Variants in ASIP observed in about 807,000 individuals in gnomAD.
ASIP encodes the protein agouti-signaling protein.
ASIP carries 11 observed loss-of-function variants against 10.3 expected under a neutral mutation model. That is an observed-to-expected ratio of 1.07 (90% CI 0.68 to 1.78). The LOEUF is 1.78. ASIP is among the 40% of genes most tolerant of loss of function. The pLI, the probability that ASIP is intolerant of heterozygous loss-of-function variation, is 0.00. For missense variants in ASIP, 180 were observed against 169.2 expected, an observed-to-expected ratio of 1.06 and a Z score of -0.35; for synonymous variants, 70 against 70.8, an observed-to-expected ratio of 0.99 and a Z score of 0.06.
At chr20:34,246,191 G>A in intron 1 of ASIP, 1 of 1,298,432 alleles carries the variant, frequency 7.7e-7, no homozygotes. Flanking sequence ...AGGAATTTTG[G>A]CCTTAGTAAG....
chr20:34,263,429 G>A (rs1366310704), intron 3 of ASIP, among the ~76,000 whole-genome samples: 1 of 152,006 alleles, frequency 6.6e-6, no homozygotes, highest in African/African-American at 2.4e-5. Flanking sequence ...GCCAGGCGTG[G>A]TGGTGGGCGC....
chr20:34,234,160 T>C (rs949036152), intron 1 of ASIP, among the ~76,000 whole-genome samples: 4 of 152,138 alleles, frequency 2.6e-5, no homozygotes, highest in African/African-American at 4.8e-5. Context: ...TTCTAGTTGG[T>C]CTCATCAGAG....
intron 1 of ASIP, among the ~76,000 whole-genome samples, chr20:34,203,834 C>T (rs1429829444): frequency 6.6e-6 from 1 of 151,648 alleles, no homozygotes; most frequent in African/African-American, 2.4e-5. Context: ...AGCAATTTTC[C>T]TGCCTTAGCC....
intron 1 of ASIP, among the ~76,000 whole-genome samples, chr20:34,259,654 G>T (rs1055025166): frequency 6.6e-6 from 1 of 152,094 alleles, no homozygotes; most frequent in Non-Finnish European, 1.5e-5. Context: ...GGAGACTGAG[G>T]CAGGAGAATC....
intron 3 of ASIP, among the ~76,000 whole-genome samples, chr20:34,267,531 T>C (rs2035808298): frequency 6.6e-6 from 1 of 151,204 alleles, no homozygotes; most frequent in Non-Finnish European, 1.5e-5. Flanking sequence ...ATGGCCACTT[T>C]ATTTATTTAT....
At chr20:34,236,016 G>A (rs2035202405) in intron 1 of ASIP, among the ~76,000 whole-genome samples, 3 of 116,246 alleles carry the variant, frequency 2.6e-5, no homozygotes, top group Non-Finnish European at 4.8e-5. Context: ...GAGAGAAAGA[G>A]AGAGAGAAGA....
upstream of ASIP, among the ~76,000 whole-genome samples, chr20:34,191,304 C>A (rs182471391): frequency 6.6e-6 from 1 of 152,180 alleles, no homozygotes; most frequent in African/African-American, 2.4e-5. Context: ...GATGAGGGTG[C>A]CTGTCACCCC....
At chr20:34,267,288 G>A (rs2122683273) in intron 3 of ASIP, among the ~76,000 whole-genome samples, 1 of 152,008 alleles carries the variant, frequency 6.6e-6, no homozygotes, top group Non-Finnish European at 1.5e-5. Flanking sequence ...TGAGACTGAA[G>A]GGAAGAGTGG....
upstream of ASIP, among the ~76,000 whole-genome samples, chr20:34,193,367 G>T (rs932217346): frequency 3.3e-5 from 5 of 152,142 alleles, no homozygotes; most frequent in African/African-American, 1.2e-4. Context: ...CAGGAACCAG[G>T]GGGTCCCAGA....
At chr20:34,264,789 A>AT (rs34382186) in intron 3 of ASIP, among the ~76,000 whole-genome samples, 54,076 of 104,246 alleles carry the variant, frequency 0.52, 15,462 homozygotes, top group African/African-American at 0.73. Context: ...AGTTTACTTC[A>AT]TTTTTTTTTT....
intron 1 of ASIP, among the ~76,000 whole-genome samples, chr20:34,203,166 C>G (rs1188150723): frequency 6.6e-6 from 1 of 151,894 alleles, no homozygotes; most frequent in Non-Finnish European, 1.5e-5. Context: ...CAAAAAAAAC[C>G]CTGCTGGAAT....
intron 1 of ASIP, among the ~76,000 whole-genome samples, chr20:34,220,689 G>T (rs2035040351): frequency 6.6e-6 from 1 of 152,018 alleles, no homozygotes; most frequent in Admixed American, 6.6e-5. Context: ...AGGAAGGAAT[G>T]ACTCCTGAAC....
At chr20:34,265,438 C>T (rs539943236) in intron 3 of ASIP, among the ~76,000 whole-genome samples, 7 of 152,096 alleles carry the variant, frequency 4.6e-5, no homozygotes, top group Non-Finnish European at 1.0e-4. Flanking sequence ...GTAGGAGAAT[C>T]GCTTGAGCCT....
chr20:34,210,273 A>T (rs535391696), intron 1 of ASIP, among the ~76,000 whole-genome samples: 1 of 152,360 alleles, frequency 6.6e-6, no homozygotes, highest in East Asian at 1.9e-4. Flanking sequence ...TGGGGAGCCC[A>T]GACCTGGGAG....
intron 1 of ASIP, among the ~76,000 whole-genome samples, chr20:34,196,314 C>T (rs923489325): frequency 6.6e-6 from 1 of 151,104 alleles, no homozygotes; most frequent in African/African-American, 2.4e-5. Flanking sequence ...CGAGTAGCTA[C>T]AGGCGCCCGC....
At chr20:34,192,178 AG>A (rs1054892969), upstream of ASIP, among the ~76,000 whole-genome samples, 3 of 152,140 alleles carry the variant, frequency 2.0e-5, no homozygotes. Context: ...CTGGGATTAC[AG>A]GCATGAGCCA....
chr20:34,212,646 GTTCCTCAGCCA>G (rs1403734746), intron 1 of ASIP, among the ~76,000 whole-genome samples: 2 of 152,108 alleles, frequency 1.3e-5, no homozygotes, highest in African/African-American at 4.8e-5. Context: ...ATCTGGAGCA[GTTCCTCAGCCA>G]TTCTTTGTCT....
intron 1 of ASIP, among the ~76,000 whole-genome samples, chr20:34,252,355 G>C (rs999668891): frequency 2.0e-5 from 3 of 152,170 alleles, no homozygotes; most frequent in Non-Finnish European, 1.5e-5. Flanking sequence ...GAGAAGGTCA[G>C]CAGGGAAACA....
At chr20:34,266,914 CT>C (rs1209619141) in intron 3 of ASIP, among the ~76,000 whole-genome samples, 1 of 152,138 alleles carries the variant, frequency 6.6e-6, no homozygotes, top group Non-Finnish European at 1.5e-5. Context: ...CACCTTATTC[CT>C]GTCTTAGTGT....
Sources: allele counts gnomAD v4.1 joint callset (sites outside exome capture counted in the v4.1 genomes callset), GRCh38; gene constraint gnomAD v4.1.1; transcripts MANE v1.5; gene names NCBI Gene and HGNC (gene_info 2026-07-23, HGNC 2026-07-21).